NRG2: variants seen among roughly 807,000 people sequenced by gnomAD.
NRG2 encodes pro-neuregulin-2, membrane-bound isoform.
A neutral mutation model predicts 73.9 loss-of-function variants in NRG2; 27 were observed. The observed-to-expected ratio is 0.37, with a 90% confidence interval of 0.27 to 0.50. The LOEUF (loss-of-function observed/expected upper bound fraction) is 0.50. Ranked by LOEUF, NRG2 falls within the 20% of genes least tolerant of loss-of-function variation. The pLI is 0.96. For missense variants in NRG2, 1,126 were observed against 1,210.1 expected, an observed-to-expected ratio of 0.93 and a Z score of 1.03; for synonymous variants, 532 against 541.0, an observed-to-expected ratio of 0.98 and a Z score of 0.23.
At position 139,894,155 on chromosome 5, in the gene NRG2, C is replaced by G. The variant is rs1216350870; in HGVS notation, c.701-6644G>C. ...CAGATCTGAGAGCAAGACAGACGCT[C>G]AGGACATGGCTGGGCAACCCAGCCA... On this transcript the variant is annotated intron_variant, in intron 1 of 9. Transcript: ENST00000361474. This position sits in a 1 kb window ranked among gnomAD's most constrained non-coding sequence, Gnocchi z 5.0. Among the ~76,000 whole-genome samples the G allele has an allele frequency of 6.6e-6, 1 of 152,208 alleles. No homozygotes were observed. The highest frequency in any genetic ancestry group is 2.4e-5 in the African/African-American group (1 of 41,468).
intron 2 of NRG2, among the ~76,000 whole-genome samples, chr5:139,883,725 T>C (rs921208427): frequency 6.6e-6 from 1 of 152,104 alleles, no homozygotes; most frequent in Admixed American, 6.5e-5. Context: ...TCTAAGTCAC[T>C]CCGAGGGCGC....
At chr5:140,019,900 T>C (rs1436794237) in intron 1 of NRG2, among the ~76,000 whole-genome samples, 1 of 152,084 alleles carries the variant, frequency 6.6e-6, no homozygotes. Context: ...TACAGGCACC[T>C]ACCTCCACGC....
chr5:139,912,195 C>G (rs1329634572), intron 1 of NRG2, among the ~76,000 whole-genome samples: 1 of 152,206 alleles, frequency 6.6e-6, no homozygotes, highest in Non-Finnish European at 1.5e-5. Context: ...AGGATGCAAT[C>G]TCTTTCCAGG....
At chr5:140,030,984 GAA>G (rs953934727) in intron 1 of NRG2, among the ~76,000 whole-genome samples, 1 of 150,788 alleles carries the variant, frequency 6.6e-6, no homozygotes, top group Non-Finnish European at 1.5e-5. Flanking sequence ...ATGACTTCTG[GAA>G]AAAAAAACTC....
At chr5:140,024,438 G>T (rs1760508512) in intron 1 of NRG2, among the ~76,000 whole-genome samples, 1 of 152,084 alleles carries the variant, frequency 6.6e-6, no homozygotes, top group Non-Finnish European at 1.5e-5. Flanking sequence ...GTAATTTTTA[G>T]TAGAGACGGG....
At chr5:139,903,645 G>A (rs1765028017) in intron 1 of NRG2, among the ~76,000 whole-genome samples, 1 of 152,174 alleles carries the variant, frequency 6.6e-6, no homozygotes, top group African/African-American at 2.4e-5. Context: ...TCCAGGCAGG[G>A]ACAGAATCCA....
chr5:139,984,151 T>C (rs1375733195), intron 1 of NRG2, among the ~76,000 whole-genome samples: 1 of 152,168 alleles, frequency 6.6e-6, no homozygotes, highest in Non-Finnish European at 1.5e-5. Flanking sequence ...TTCTAAGAAT[T>C]TCTTTTAAGG....
chr5:139,953,219 C>A (rs1425050367), intron 1 of NRG2, among the ~76,000 whole-genome samples: 1 of 151,996 alleles, frequency 6.6e-6, no homozygotes, highest in Non-Finnish European at 1.5e-5. Flanking sequence ...TCCTGCCCTG[C>A]AGAGAGAGCT....
chr5:139,997,552 A>G (rs772821240), intron 1 of NRG2, among the ~76,000 whole-genome samples: 9 of 152,218 alleles, frequency 5.9e-5, no homozygotes, highest in African/African-American at 2.2e-4. Context: ...TCTGCCCCCA[A>G]AGGTTAAGGG....
At chr5:139,898,085 A>T (rs1764658309) in intron 1 of NRG2, among the ~76,000 whole-genome samples, 1 of 152,222 alleles carries the variant, frequency 6.6e-6, no homozygotes, top group South Asian at 2.1e-4. Context: ...GGTCAAGTTG[A>T]TGTGGCCTTC....
chr5:140,001,257 A>G (rs1012695568), intron 1 of NRG2, among the ~76,000 whole-genome samples: 2 of 152,142 alleles, frequency 1.3e-5, no homozygotes, highest in Non-Finnish European at 2.9e-5. Flanking sequence ...CGTGTATGGC[A>G]TATTTGTTTG....
rs756281194 is a variant in NRG2 at position 140,042,946 on chromosome 5, CGCTGCTGCTGCT to C, written c.112_123del (p.Ser38_Ser41del). ...CTGCTCCTGCTGCTGCTGCCGCTCT[CGCTGCTGCTGCT>C]GCTGCTGCTGCTGCTCCTCTCGCTG... is the stretch of plus-strand genomic sequence containing the variant. On this transcript the variant is annotated inframe_deletion, in exon 1 of 10. Transcript: ENST00000361474. 5.2e-5 allele frequency: 80 copies of C among 1,532,788 alleles called. No individual in the cohort carries two copies. The Admixed American group carries it at 5.7e-4, about 11-fold the overall frequency. The allele number at this position is 1,532,788 out of a possible 1,614,324, so 94.9% of individuals were successfully genotyped here. A position where few individuals can be genotyped will look rare whatever the true frequency, so the allele number is the denominator to read the frequency against.
At chr5:139,931,897 A>T (rs2126375162) in intron 1 of NRG2, among the ~76,000 whole-genome samples, 1 of 152,380 alleles carries the variant, frequency 6.6e-6, no homozygotes, top group South Asian at 2.1e-4. Flanking sequence ...ATCACTTCAC[A>T]TTTGTATGGA....
At chr5:139,927,737 C>A (rs1752166473) in intron 1 of NRG2, among the ~76,000 whole-genome samples, 1 of 146,268 alleles carries the variant, frequency 6.8e-6, no homozygotes, top group Admixed American at 6.9e-5. Flanking sequence ...GCACTCCAGC[C>A]TGGGCGACAA....
chr5:139,904,378 C>G lies in NRG2; in HGVS notation c.701-16867G>C, dbSNP rs774022949. The G allele has an allele frequency of 5.1e-6, 8 of 1,581,336 alleles. No individual in the cohort carries two copies. Among genetic ancestry groups the G allele is most frequent in the Non-Finnish European group, 5.1e-6 (6 of 1,170,540 alleles). On this transcript the variant is annotated intron_variant, in intron 1 of 9. Transcript: ENST00000361474. The surrounding 1 kb of genome is among the most constrained non-coding windows in gnomAD (Gnocchi z 6.0). ...GTGCTTCTTGCCGCGGCCGCGGCCC[C>G]TCCTCCTGGACTCCGACATTCTGCA...
At chr5:139,905,658 C>G (rs1468906452) in intron 1 of NRG2, among the ~76,000 whole-genome samples, 1 of 148,878 alleles carries the variant, frequency 6.7e-6, no homozygotes, top group African/African-American at 2.5e-5. Context: ...GGGCGCAAGT[C>G]TGTCTCATCA....
intron 1 of NRG2, among the ~76,000 whole-genome samples, chr5:139,957,496 TGGGA>T: frequency 6.6e-6 from 1 of 152,152 alleles, no homozygotes; most frequent in Non-Finnish European, 1.5e-5. Context: ...CTGCAGAGGC[TGGGA>T]GGAAGTCAGC....
chr5:139,958,604 T>C (rs767797113), intron 1 of NRG2, among the ~76,000 whole-genome samples: 11 of 152,062 alleles, frequency 7.2e-5, no homozygotes, highest in Non-Finnish European at 1.5e-4. Flanking sequence ...TTTCCAAAAA[T>C]CACTGCTCTA....
chr5:140,017,818 G>T (rs1444788796), intron 1 of NRG2, among the ~76,000 whole-genome samples: 1 of 152,164 alleles, frequency 6.6e-6, no homozygotes, highest in Non-Finnish European at 1.5e-5. Flanking sequence ...TATGATGAAA[G>T]ATGAATAGAA....
Sources: gnomAD v4.1 joint callset for allele counts (sites outside exome capture counted in the v4.1 genomes callset) on GRCh38, gnomAD v4.1.1 for gene constraint, Gnocchi (gnomAD v3.1) non-coding constraint, MANE v1.5 for transcripts, NCBI Gene and HGNC (gene_info 2026-07-23, HGNC 2026-07-21) for gene names.